The following USP39 variants were observed in gnomAD, a reference collection of about 807,000 sequenced individuals.
USP39 encodes ubiquitin carboxyl-terminal hydrolase 39.
A neutral mutation model predicts 66.4 loss-of-function variants in USP39; 38 were observed. The ratio of observed to expected loss-of-function variants is 0.57; its 90% CI spans 0.44 to 0.75. USP39 has a LOEUF of 0.75. Among genes scored for constraint, USP39 ranks in the 30% least tolerant of loss-of-function variants. The pLI, the probability that USP39 is intolerant of heterozygous loss-of-function variation, is 0.00. For missense variants in USP39, 608 were observed against 714.4 expected, an observed-to-expected ratio of 0.85 and a Z score of 1.70; for synonymous variants, 303 against 274.6, an observed-to-expected ratio of 1.10 and a Z score of -1.02.
At chr2:85,639,161 C>T (rs151167820) in intron 8 of USP39, 42 bp from the exon 9 acceptor site, 152 of 1,573,142 alleles carry the variant, frequency 9.7e-5, no homozygotes, top group Middle Eastern at 5.3e-4. Context: ...TTCCTATACC[C>T]GTCACACTCC....
upstream of USP39, chr2:85,611,830 A>G (rs746104852): frequency 4.4e-6 from 7 of 1,605,074 alleles, no homozygotes; most frequent in Non-Finnish European, 5.1e-6. Context: ...GGGCCGGGCC[A>G]GGCCAGGCCA....
chr2:85,631,866 A>G (rs1675369453), intron 6 of USP39, among the ~76,000 whole-genome samples: 2 of 151,996 alleles, frequency 1.3e-5, no homozygotes, highest in Non-Finnish European at 2.9e-5. Context: ...CTCCTGCCTC[A>G]GCCTCCCAAG....
At chr2:85,633,656 A>G (rs1675541386) in intron 6 of USP39, among the ~76,000 whole-genome samples, 1 of 152,042 alleles carries the variant, frequency 6.6e-6, no homozygotes, top group Admixed American at 6.6e-5. Context: ...TAGTCCAGCT[A>G]CTTGAGAGGC....
Position 85,616,214 on chromosome 2 carries a change from C to G in USP39, c.19C>G (p.Arg7Gly), listed in dbSNP as rs978887963. 2.7e-6 allele frequency: 4 copies of G among 1,463,940 alleles called. No individual in the cohort carries two copies. The East Asian group carries it at 1.0e-4, about 37-fold the overall frequency. 90.7% of individuals were successfully genotyped at this position (1,463,940 alleles called of 1,614,324 possible). A position where few individuals can be genotyped will look rare whatever the true frequency, so the allele number is the denominator to read the frequency against. Residue 7 changes from arginine to glycine, a missense_variant, in exon 1 of 13, where the codon CGG (arginine) becomes GGG (glycine). This residue lies in a region of USP39 where 207 missense variants were observed against 145.7 expected (regional missense o/e 1.42). Coordinates refer to ENST00000323701, the MANE Select transcript of USP39 (RefSeq NM_006590.4). The stretch of plus-strand genomic sequence containing the variant: ...AGTGGAGATGTCCGGCCGGTCTAAG[C>G]GGGAGTCTCGCGGTTCCACTCGCGG... MSGRSK[R>G]ESRGSTRGKR...
In USP39 at chr2:85,648,828, G is replaced by A. The variant is rs1676845149; in HGVS notation, c.*20G>A. Reference sequence around the variant, plus strand: ...GCTTGAAGGAGGCGTCTAGGGCTTTGCTCCCAAGGGCTGTGGCTGATGATG... The same window carrying A: ...GCTTGAAGGAGGCGTCTAGGGCTTTACTCCCAAGGGCTGTGGCTGATGATG... On this transcript the variant is annotated 3_prime_UTR_variant, in exon 13 of 13. Transcript: ENST00000323701. The A allele has an allele frequency of 6.2e-7, 1 of 1,613,618 alleles. No homozygotes were observed. The highest frequency in any genetic ancestry group is 8.5e-7 in the Non-Finnish European group (1 of 1,179,872).
At chr2:85,613,520 C>A (rs1469828697), upstream of USP39, among the ~76,000 whole-genome samples, 2 of 151,234 alleles carry the variant, frequency 1.3e-5, no homozygotes, top group African/African-American at 2.4e-5. Context: ...AAACAAAAAA[C>A]AGGGACCAAT....
chr2:85,648,343 C>T (rs1290342691), intron 12 of USP39, among the ~76,000 whole-genome samples: 2 of 152,172 alleles, frequency 1.3e-5, no homozygotes, highest in African/African-American at 2.4e-5. Flanking sequence ...GGCTAGAAGT[C>T]GACCACGAAG....
chr2:85,640,951 T>C, intron 9 of USP39, 25 bp from the exon 10 acceptor site: 1 of 1,586,090 alleles, frequency 6.3e-7, no homozygotes, highest in Non-Finnish European at 8.5e-7. Context: ...AGCACTAATT[T>C]GAGAATTTTC....
chr2:85,644,239 T>C (rs1281806644), intron 10 of USP39, among the ~76,000 whole-genome samples: 3 of 152,220 alleles, frequency 2.0e-5, no homozygotes, highest in East Asian at 3.8e-4. Flanking sequence ...TTTTGTTTCA[T>C]GTAATGAGTG....
upstream of USP39, chr2:85,609,201 C>G: frequency 7.5e-7 from 1 of 1,333,602 alleles, no homozygotes; most frequent in East Asian, 2.4e-5. Context: ...TCCTATGTGT[C>G]TCCTGTAATA....
intron 9 of USP39, among the ~76,000 whole-genome samples, chr2:85,640,317 C>G (rs1021239401): frequency 1.1e-4 from 17 of 148,878 alleles, no homozygotes; most frequent in African/African-American, 4.2e-4. Context: ...GAGATGGAGT[C>G]TCACTCTGTT....
upstream of USP39, chr2:85,612,066 T>A (rs976005720): frequency 8.8e-6 from 10 of 1,131,274 alleles, no homozygotes; most frequent in African/African-American, 1.6e-4. Context: ...CGCCGCCCCT[T>A]GCTCAGCTTC....
At chr2:85,625,974 C>T (rs181760788) in intron 5 of USP39, among the ~76,000 whole-genome samples, 80 of 151,918 alleles carry the variant, frequency 5.3e-4, no homozygotes, top group African/African-American at 1.8e-3. Flanking sequence ...CCCGAGATCG[C>T]GCCACTGCAC....
At chr2:85,621,938 G>A (rs1402730735) in intron 3 of USP39, among the ~76,000 whole-genome samples, 1 of 151,992 alleles carries the variant, frequency 6.6e-6, no homozygotes, top group Non-Finnish European at 1.5e-5. Flanking sequence ...TCCTGCCTCA[G>A]CCTCCAGAGT....
rs1476214910 is a variant in USP39, at chr2:85,619,207, A to AT, written c.269-9dup. 1 of 1,613,276 alleles carries AT rather than the reference A, an allele frequency of 6.2e-7. No individual in the cohort carries two copies. The highest frequency in any genetic ancestry group is 8.5e-7 in the Non-Finnish European group (1 of 1,179,850). On this transcript the variant is annotated splice_polypyrimidine_tract_variant and intron_variant, in intron 1 of 12. Coordinates refer to ENST00000323701, the MANE Select transcript of USP39 (RefSeq NM_006590.4). ...TTTCCCATTTTCAAAGCCTGTGATG[A>AT]TTTTCCTTTCAGCAAAGAATGGCCG...
At chr2:85,614,458 G>C (rs1440863858), upstream of USP39, among the ~76,000 whole-genome samples, 13 of 148,738 alleles carry the variant, frequency 8.7e-5, no homozygotes. Context: ...AAGTTGCAGT[G>C]AGCCGAGATC....
At chr2:85,648,661 G>A in intron 12 of USP39, 100 bp from the exon 13 acceptor site, 13 of 1,373,328 alleles carry the variant, frequency 9.5e-6, no homozygotes, top group Non-Finnish European at 1.4e-5. Context: ...TTGTAAATGG[G>A]GTGACAAGTT....
chr2:85,637,544 G>A, intron 8 of USP39, 108 bp downstream of exon 8: 1 of 1,240,262 alleles, frequency 8.1e-7, no homozygotes, highest in Non-Finnish European at 1.2e-6. Flanking sequence ...CCTGTGAAGA[G>A]GTTCAACAAA....
chr2:85,640,696 C>G (rs1020871801), intron 9 of USP39, among the ~76,000 whole-genome samples: 2 of 148,780 alleles, frequency 1.3e-5, no homozygotes, highest in African/African-American at 4.9e-5. Context: ...TGGTCTCGAA[C>G]TCCTGTGCTG....
Sources: allele counts gnomAD v4.1 joint callset (sites outside exome capture counted in the v4.1 genomes callset), GRCh38; gene constraint gnomAD v4.1.1; regional missense constraint gnomAD v4.1.1; transcripts MANE v1.5; gene names NCBI Gene and HGNC (gene_info 2026-07-23, HGNC 2026-07-21).